The following NRXN3 variants were observed in gnomAD, a reference collection of about 807,000 sequenced individuals.
NRXN3 encodes neurexin III.
NRXN3 carries 32 observed loss-of-function variants against 137.6 expected under a neutral mutation model. The observed-to-expected ratio is 0.23, with a 90% CI of 0.18 to 0.31. NRXN3 has a LOEUF of 0.31. Ranked by LOEUF, NRXN3 falls within the 10% of genes least tolerant of loss-of-function variation. The pLI, the probability that NRXN3 is intolerant of heterozygous loss-of-function variation, is 1.00. For synonymous variants in NRXN3, 798 were observed against 784.5 expected (o/e 1.02, Z -0.29); for missense variants, 1,574 against 2,062.5 (o/e 0.76, Z 4.59).
At chr14:78,518,663 A>G (rs776819855) in intron 4 of NRXN3, among the ~76,000 whole-genome samples, 12 of 152,140 alleles carry the variant, frequency 7.9e-5, no homozygotes, top group Non-Finnish European at 1.3e-4. Flanking sequence ...TACCAGAGGC[A>G]AGAATTCAAT....
intron 16 of NRXN3, among the ~76,000 whole-genome samples, chr14:79,492,493 C>T (rs2096726978): frequency 6.6e-6 from 1 of 152,058 alleles, no homozygotes; most frequent in African/African-American, 2.4e-5. Context: ...AGTGATTCTC[C>T]TGCCTTAGCC....
At chr14:79,531,263 T>C (rs1329051167) in intron 16 of NRXN3, among the ~76,000 whole-genome samples, 1 of 152,182 alleles carries the variant, frequency 6.6e-6, no homozygotes, top group Non-Finnish European at 1.5e-5. Flanking sequence ...CTCTAAGAAG[T>C]CTAGATATTT....
intron 15 of NRXN3, among the ~76,000 whole-genome samples, chr14:79,271,489 C>G (rs1347460156): frequency 8.3e-6 from 1 of 121,164 alleles, no homozygotes; most frequent in African/African-American, 3.1e-5. Context: ...CTTCCCCCTT[C>G]CTGTCTCCTT....
intron 4 of NRXN3, among the ~76,000 whole-genome samples, chr14:78,453,284 C>G (rs2094594713): frequency 6.6e-6 from 1 of 152,214 alleles, no homozygotes; most frequent in Admixed American, 6.5e-5. Context: ...TTATATGGAA[C>G]TCTCTTCCTC....
chr14:78,678,776 G>T (rs1160520713), intron 6 of NRXN3, among the ~76,000 whole-genome samples: 1 of 152,046 alleles, frequency 6.6e-6, no homozygotes, highest in Non-Finnish European at 1.5e-5. Flanking sequence ...AGAATCCAGA[G>T]GCCTCAAAGG....
intron 10 of NRXN3, among the ~76,000 whole-genome samples, chr14:78,829,887 T>A (rs2098976981): frequency 6.6e-6 from 1 of 152,114 alleles, no homozygotes; most frequent in African/African-American, 2.4e-5. Flanking sequence ...AATTAGAGTG[T>A]CTTGCCTTAA....
At chr14:79,700,355 A>G (rs1198710848) in intron 19 of NRXN3, among the ~76,000 whole-genome samples, 1 of 152,084 alleles carries the variant, frequency 6.6e-6, no homozygotes, top group African/African-American at 2.4e-5. Context: ...TGGATTTCAT[A>G]TTCACCGGGC....
intron 6 of NRXN3, among the ~76,000 whole-genome samples, chr14:78,671,828 G>A (rs1312681909): frequency 6.6e-6 from 1 of 152,150 alleles, no homozygotes; most frequent in African/African-American, 2.4e-5. Context: ...ATGTATTTAT[G>A]TGTTTAGCAA....
At chr14:79,633,620 G>T (rs959351747) in intron 16 of NRXN3, among the ~76,000 whole-genome samples, 2 of 152,128 alleles carry the variant, frequency 1.3e-5, no homozygotes, top group African/African-American at 4.8e-5. Flanking sequence ...CACCTCTTCT[G>T]TTCTGCTCTT....
At chr14:78,682,508 T>C (rs140782323) in intron 6 of NRXN3, among the ~76,000 whole-genome samples, 1 of 152,104 alleles carries the variant, frequency 6.6e-6, no homozygotes. Context: ...TGTACCGTTG[T>C]GGAATCACTT....
At position 79,459,671 on chromosome 14, in the gene NRXN3, G is replaced by T. The variant is rs374437172; in HGVS notation, c.3263-7550G>T. Among the ~76,000 whole-genome samples, 9 of 151,802 alleles carry T rather than the reference G, an allele frequency of 5.9e-5. 1 individual carries two copies. Among genetic ancestry groups the T allele is most frequent in the Admixed American group, 4.6e-4 (7 of 15,226 alleles). On this transcript the variant is annotated intron_variant, in intron 15 of 20. Coordinates refer to ENST00000335750, the MANE Select transcript of NRXN3 (RefSeq NM_001330195.2). ...AAAAATATTTCAAGTGAAAAATATA[G>T]AGTTTTGAAATATTATACTGTATAC...
intron 4 of NRXN3, among the ~76,000 whole-genome samples, chr14:78,614,518 A>G (rs2097329298): frequency 6.6e-6 from 1 of 152,174 alleles, no homozygotes; most frequent in East Asian, 1.9e-4. Context: ...CTGCTTCTTA[A>G]AATAGGCAAA....
chr14:79,307,732 G>T (rs767407241), intron 15 of NRXN3, among the ~76,000 whole-genome samples: 1 of 151,996 alleles, frequency 6.6e-6, no homozygotes, highest in Non-Finnish European at 1.5e-5. Context: ...ATAGATTAGT[G>T]CAGTCTTCAC....
intron 8 of NRXN3, among the ~76,000 whole-genome samples, chr14:78,716,038 T>C (rs1227055065): frequency 6.6e-6 from 1 of 151,804 alleles, no homozygotes; most frequent in Non-Finnish European, 1.5e-5. Context: ...CAGAATAGAA[T>C]TGGGGAACTG....
chr14:79,061,434 A>C (rs928499931), intron 15 of NRXN3, among the ~76,000 whole-genome samples: 1 of 152,194 alleles, frequency 6.6e-6, no homozygotes, highest in Admixed American at 6.5e-5. Flanking sequence ...GGGGAGGCAA[A>C]AGTATCACAG....
At chr14:79,661,748 T>G (rs143773443) in intron 16 of NRXN3, 1 of 152,014 alleles carries the variant, frequency 6.6e-6, no homozygotes, top group Non-Finnish European at 1.5e-5. Flanking sequence ...CTTTTCCTCC[T>G]TCTGGTTTTC....
chr14:78,667,480 G>A (rs972703499), intron 6 of NRXN3, among the ~76,000 whole-genome samples: 9 of 152,156 alleles, frequency 5.9e-5, no homozygotes, highest in Admixed American at 3.3e-4. Flanking sequence ...TTTGAAAACA[G>A]AGTTTTTGTA....
intron 1 of NRXN3, among the ~76,000 whole-genome samples, chr14:78,236,524 G>T (rs968025286): frequency 2.0e-5 from 3 of 152,172 alleles, no homozygotes; most frequent in African/African-American, 7.2e-5. Context: ...GAATAGTGTT[G>T]CCATGAACAT....
At chr14:79,463,504 A>G (rs183304580) in intron 15 of NRXN3, among the ~76,000 whole-genome samples, 101 of 152,174 alleles carry the variant, frequency 6.6e-4, no homozygotes, top group Non-Finnish European at 2.6e-4. Context: ...CTTGTTGACT[A>G]TTTGAAGATG....
Sources: allele counts gnomAD v4.1 joint callset (sites outside exome capture counted in the v4.1 genomes callset), GRCh38; gene constraint gnomAD v4.1.1; transcripts MANE v1.5; gene names NCBI Gene and HGNC (gene_info 2026-07-23, HGNC 2026-07-21).